The following FMN1 variants were observed in gnomAD, a reference collection of about 807,000 sequenced individuals.
FMN1 encodes the protein formin-1.
A neutral mutation model predicts 132.4 loss-of-function variants in FMN1; 110 were observed. That is an observed-to-expected ratio of 0.83 (90% CI 0.71 to 0.97). The LOEUF (loss-of-function observed/expected upper bound fraction) is 0.97, where lower values mean the gene tolerates loss of function less well. FMN1 is among the 50% of genes least tolerant of loss of function. The pLI is 0.00. For synonymous variants in FMN1, 722 were observed against 651.7 expected (o/e 1.11, Z -1.64); for missense variants, 1,792 against 1,705.3 (o/e 1.05, Z -0.90).
intron 4 of FMN1, among the ~76,000 whole-genome samples, chr15:33,122,484 A>G (rs774085977): frequency 6.6e-5 from 10 of 152,244 alleles, no homozygotes; most frequent in Non-Finnish European, 1.5e-4. Flanking sequence ...TTTACTGCTC[A>G]GCCCACAGTA....
chr15:32,903,071 A>C (rs2060335596), intron 12 of FMN1, among the ~76,000 whole-genome samples: 1 of 152,138 alleles, frequency 6.6e-6, no homozygotes, highest in African/African-American at 2.4e-5. Context: ...TTGCTTATAC[A>C]CCCTGTGCTG....
At position 32,862,488 on chromosome 15, in the gene FMN1, C is replaced by T. The variant is rs535395800; in HGVS notation, c.3836-5381G>A. On this transcript the variant is annotated intron_variant, in intron 16 of 20. Coordinates refer to ENST00000616417, the MANE Select transcript of FMN1 (RefSeq NM_001277313.2). ...ACTACATGGAGAATATTTTCACTTA[C>T]AGGTTAAACACTGGTGGAGTATTTT... 2.0e-5 allele frequency among the ~76,000 whole-genome samples: 3 copies of T among 152,254 alleles called. No homozygotes were observed. In the South Asian group the frequency reaches 6.2e-4, roughly 32 times the overall value.
chr15:33,020,502 C>A (rs1051932958), intron 6 of FMN1, among the ~76,000 whole-genome samples: 2 of 152,086 alleles, frequency 1.3e-5, no homozygotes, highest in African/African-American at 4.8e-5. Flanking sequence ...CAAAAAGTAG[C>A]CGGGCGTGGT....
intron 10 of FMN1, among the ~76,000 whole-genome samples, chr15:32,915,569 C>T (rs931407698): frequency 1.8e-4 from 27 of 152,330 alleles, no homozygotes; most frequent in Non-Finnish European, 5.9e-5. Flanking sequence ...ACAGGCACAC[C>T]GCTCATAAAC....
chr15:32,846,456 GA>G (rs200548042), intron 17 of FMN1, among the ~76,000 whole-genome samples: 2,454 of 152,104 alleles, frequency 0.016, 50 homozygotes, highest in East Asian at 0.073. Flanking sequence ...CAACAAACAT[GA>G]AAAAAAGTTC....
intron 6 of FMN1, chr15:33,012,229 T>A: frequency 1.5e-6 from 1 of 673,328 alleles, no homozygotes; most frequent in South Asian, 1.5e-5. Context: ...TTTTGAGCAA[T>A]GGGGAACGCT....
rs2056338097 is a variant in FMN1 at position 32,774,151 on chromosome 15, A to C, written c.*159T>G. On this transcript the variant is annotated 3_prime_UTR_variant, in exon 21 of 21. Transcript: ENST00000616417. ...GGCTTAATGAGGGACTTCTTAAAGAAGGCATGGGGCACTCTCTGCAGATGA... is the reference window on the plus strand; with the variant it reads ...GGCTTAATGAGGGACTTCTTAAAGACGGCATGGGGCACTCTCTGCAGATGA... The C allele has an allele frequency of 2.0e-5, 13 of 634,264 alleles. No individual in the cohort carries two copies. Among genetic ancestry groups the C allele is most frequent in the Admixed American group, 1.0e-4 (3 of 29,088 alleles). The allele number at this position is 634,264 out of a possible 1,614,324, so 39.3% of individuals were successfully genotyped here.
At chr15:33,075,138 A>G (rs2038157797) in intron 5 of FMN1, among the ~76,000 whole-genome samples, 1 of 151,278 alleles carries the variant, frequency 6.6e-6, no homozygotes, top group African/African-American at 2.4e-5. Flanking sequence ...CCTGTGCTGC[A>G]GCTCCCTCAC....
rs570899887 is a variant in FMN1 at position 33,148,475 on chromosome 15, C to T, written c.1867+4573G>A. ...CCTGGAAGGCTGACCCCGTAGACCA[C>T]AGCCCCTGGCTTGGCTCCTTTACAC... On this transcript the variant is annotated intron_variant, in intron 4 of 20. Coordinates refer to ENST00000616417, the MANE Select transcript of FMN1 (RefSeq NM_001277313.2). Among the ~76,000 whole-genome samples the T allele has an allele frequency of 5.9e-5, 9 of 152,332 alleles. No homozygotes were observed. In the East Asian group the frequency reaches 1.7e-3, roughly 29 times the overall value.
At chr15:33,102,207 T>A (rs1166468822) in intron 4 of FMN1, among the ~76,000 whole-genome samples, 1 of 152,182 alleles carries the variant, frequency 6.6e-6, no homozygotes, top group Non-Finnish European at 1.5e-5. Flanking sequence ...TATCAGGACC[T>A]GTGTCTTTGT....
At chr15:33,175,920 C>A (rs954895184) in intron 3 of FMN1, among the ~76,000 whole-genome samples, 2 of 152,148 alleles carry the variant, frequency 1.3e-5, no homozygotes, top group Non-Finnish European at 2.9e-5. Context: ...TCTTAAGGAA[C>A]CTCACATACA....
chr15:32,919,162 G>C (rs1276907427), intron 10 of FMN1, among the ~76,000 whole-genome samples: 4 of 151,834 alleles, frequency 2.6e-5, no homozygotes. Context: ...TGTGATGGGG[G>C]GGGTATTAAA....
chr15:33,070,670 G>A (rs191449459), intron 5 of FMN1, among the ~76,000 whole-genome samples: 1 of 152,084 alleles, frequency 6.6e-6, no homozygotes, highest in African/African-American at 2.4e-5. Context: ...GGTAAGTAAG[G>A]TATTATTAGG....
intron 4 of FMN1, among the ~76,000 whole-genome samples, chr15:33,147,143 A>G (rs1426958783): frequency 6.6e-6 from 1 of 151,368 alleles, no homozygotes; most frequent in East Asian, 1.9e-4. Flanking sequence ...CTAGCCTGGG[A>G]AACAAGAGCG....
chr15:32,923,555 G>A (rs1445240508), intron 10 of FMN1, among the ~76,000 whole-genome samples: 1 of 152,214 alleles, frequency 6.6e-6, no homozygotes, highest in East Asian at 1.9e-4. Flanking sequence ...GAACAATAAA[G>A]TTCCCACAAG....
chr15:33,128,268 AG>A (rs1226313931), intron 4 of FMN1, among the ~76,000 whole-genome samples: 1 of 152,210 alleles, frequency 6.6e-6, no homozygotes, highest in African/African-American at 2.4e-5. Flanking sequence ...AGCAATAATT[AG>A]AAGCGCAACA....
chr15:33,189,808 T>G (rs1966012270), intron 2 of FMN1, among the ~76,000 whole-genome samples: 1 of 152,198 alleles, frequency 6.6e-6, no homozygotes. Context: ...AAGCCAAGGA[T>G]GGACACAGAG....
At chr15:32,942,567 A>G (rs1254047769) in intron 9 of FMN1, among the ~76,000 whole-genome samples, 1 of 152,238 alleles carries the variant, frequency 6.6e-6, no homozygotes, top group Non-Finnish European at 1.5e-5. Flanking sequence ...GAAACACAGA[A>G]GCCCTCTTCT....
intron 5 of FMN1, among the ~76,000 whole-genome samples, chr15:33,078,088 T>C (rs566460085): frequency 7.2e-5 from 11 of 152,274 alleles, no homozygotes; most frequent in African/African-American, 2.6e-4. Context: ...AAAAGGGACA[T>C]ATTGGGGTTT....
Sources: gnomAD v4.1 joint callset for allele counts (sites outside exome capture counted in the v4.1 genomes callset) on GRCh38, gnomAD v4.1.1 for gene constraint, MANE v1.5 for transcripts, NCBI Gene and HGNC (gene_info 2026-07-23, HGNC 2026-07-21) for gene names.